The following PCDHGB1 variants were observed in gnomAD, a reference collection of about 807,000 sequenced individuals.
The protein encoded by PCDHGB1 is protocadherin gamma-B1.
PCDHGB1 carries 34 observed loss-of-function variants against 56.6 expected under a neutral mutation model. The observed-to-expected ratio is 0.60, with a 90% CI of 0.46 to 0.80. PCDHGB1 has a LOEUF of 0.80. PCDHGB1 is among the 30% of genes least tolerant of loss of function. The pLI, the probability that PCDHGB1 is intolerant of heterozygous loss-of-function variation, is 0.00. For missense variants in PCDHGB1, 1,278 were observed against 1,204.6 expected (o/e 1.06, Z -0.90); for synonymous variants, 561 against 505.9 (o/e 1.11, Z -1.46).
At chr5:141,448,926 C>T (rs528128105) in intron 1 of PCDHGB1, among the ~76,000 whole-genome samples, 5 of 152,256 alleles carry the variant, frequency 3.3e-5, no homozygotes, top group African/African-American at 9.6e-5. Context: ...GCCTGGGCGA[C>T]AGAGCAAGAC....
chr5:141,451,326 G>T (rs189445228), intron 1 of PCDHGB1, among the ~76,000 whole-genome samples: 3 of 152,278 alleles, frequency 2.0e-5, no homozygotes, highest in Admixed American at 2.0e-4. Context: ...GTCACCTAAG[G>T]CTATTGTCTT....
chr5:141,511,129 G>A lies in PCDHGB1; in HGVS notation c.2740G>A (p.Gly914Ser). ...GCGGGATGGCAAGGCCCCAGCAGGT[G>A]GCAATGGCAACAAGAAGAAGTCGGG... ...GKRDGKAPAGGNGNKKKSGKK... is the reference protein window; with the variant it reads ...GKRDGKAPAGSNGNKKKSGKK... Residue 914 changes from glycine to serine, a missense_variant, in exon 4 of 4, where the codon GGC becomes AGC. By Grantham distance (56) the Gly-to-Ser change is moderately conservative. Coordinates refer to ENST00000523390, the MANE Select transcript of PCDHGB1 (RefSeq NM_018922.3). 1 of 1,614,204 alleles carries A rather than the reference G, an allele frequency of 6.2e-7. No individual in the cohort carries two copies. Among genetic ancestry groups the A allele is most frequent in the Non-Finnish European group, 8.5e-7 (1 of 1,180,014 alleles).
chr5:141,415,136 G>C (rs763832284), intron 1 of PCDHGB1: 1 of 1,613,548 alleles, frequency 6.2e-7, no homozygotes, highest in Admixed American at 1.7e-5. Flanking sequence ...CAGGACCACG[G>C]CCAGCCCCCT....
intron 1 of PCDHGB1, among the ~76,000 whole-genome samples, chr5:141,482,488 G>C (rs1401943298): frequency 7.7e-6 from 1 of 130,410 alleles, no homozygotes; most frequent in African/African-American, 3.1e-5. Context: ...ACAATTAAAA[G>C]TTATCATTCT....
intron 1 of PCDHGB1, chr5:141,442,490 T>C (rs2098328971): frequency 6.6e-6 from 1 of 152,222 alleles, no homozygotes; most frequent in South Asian, 2.1e-4. Flanking sequence ...AAGGGGATGA[T>C]TGTGATTATT....
chr5:141,487,380 G>A lies in PCDHGB1; in HGVS notation c.2410-7427G>A. On this transcript the variant is annotated intron_variant, in intron 1 of 3. Transcript: ENST00000523390. This position sits in a 1 kb window ranked among gnomAD's most constrained non-coding sequence, Gnocchi z 5.0. ...GCTGGCACCTGTGCCTGTCTCACCA[G>A]ATCTCGAAGGAGGGAGGGGCTTCCC... is the stretch of plus-strand genomic sequence containing the variant. The A allele has an allele frequency of 1.2e-6, 2 of 1,614,202 alleles. No individual in the cohort carries two copies. The highest frequency in any genetic ancestry group is 2.2e-5 in the South Asian group (2 of 91,078).
rs200877911 is a variant in PCDHGB1 at position 141,477,977 on chromosome 5, A to G, written c.2410-16830A>G. ...ATCCCCTAACCAGAGCCTTTTTGCC[A>G]TAGGGCTGCACACTGGTCAAATCAG... On this transcript the variant is annotated intron_variant, in intron 1 of 3. Coordinates refer to ENST00000523390, the MANE Select transcript of PCDHGB1 (RefSeq NM_018922.3). The surrounding 1 kb of genome is among the most constrained non-coding windows in gnomAD (Gnocchi z 4.9). 5 of 1,614,092 alleles carry G rather than the reference A, an allele frequency of 3.1e-6. No individual in the cohort carries two copies. The East Asian group carries it at 6.7e-5, about 22-fold the overall frequency.
chr5:141,428,148 G>A (rs774961575), intron 1 of PCDHGB1: 6 of 1,588,024 alleles, frequency 3.8e-6, no homozygotes, highest in East Asian at 4.5e-5. Flanking sequence ...GCTGCACACG[G>A]GAACCTGCTG....
At chr5:141,371,720 C>G in intron 1 of PCDHGB1, 1 of 1,614,070 alleles carries the variant, frequency 6.2e-7, no homozygotes. Flanking sequence ...CTCTGCACAT[C>G]CTTGATGTCA....
At chr5:141,469,362 G>C (rs915161729) in intron 1 of PCDHGB1, among the ~76,000 whole-genome samples, 14 of 152,084 alleles carry the variant, frequency 9.2e-5, no homozygotes, top group Non-Finnish European at 7.4e-5. Flanking sequence ...GGATCATGAG[G>C]TAAAGAGATC....
intron 1 of PCDHGB1, among the ~76,000 whole-genome samples, chr5:141,438,339 AGGATC>A (rs1013025873): frequency 1.6e-4 from 25 of 151,944 alleles, no homozygotes; most frequent in Non-Finnish European, 1.9e-4. Flanking sequence ...ATGTCATATA[AGGATC>A]TACTCTGTGT....
chr5:141,350,919 G>C lies in PCDHGB1; in HGVS notation c.659G>C (p.Ser220Thr), dbSNP rs764794387. Residue 220 changes from serine to threonine, a missense_variant, in exon 1 of 4, where the codon AGC becomes ACC. Ser to Thr is a moderately conservative substitution (Grantham distance 58). Coordinates refer to ENST00000523390, the MANE Select transcript of PCDHGB1 (RefSeq NM_018922.3). ...ATGGATGGCGGGGACCCGCCTCTAA[G>C]CGGCACCACCCATATCTGGATCCGA... The part of the protein sequence containing the change: ...TAMDGGDPPL[S>T]GTTHIWIRVT... The C allele has an allele frequency of 6.2e-7, 1 of 1,614,098 alleles. No homozygotes were observed. The highest frequency in any genetic ancestry group is 2.2e-5 in the East Asian group (1 of 44,888).
chr5:141,398,383 G>C, intron 1 of PCDHGB1: 4 of 1,451,918 alleles, frequency 2.8e-6, no homozygotes, highest in Non-Finnish European at 2.9e-6. Context: ...GGAGTTGCTT[G>C]TGAGCAGCAG....
chr5:141,422,874 G>C (rs763219526), intron 1 of PCDHGB1: 56 of 1,614,134 alleles, frequency 3.5e-5, no homozygotes, highest in Non-Finnish European at 1.0e-5. Flanking sequence ...ACGTGTCGCT[G>C]AGCCTGTTCG....
rs559975786 is a variant in PCDHGB1, at chr5:141,406,591, A to G, written c.2409+53922A>G. Among the ~76,000 whole-genome samples, 5 of 152,282 alleles carry G rather than the reference A, an allele frequency of 3.3e-5. No homozygotes were observed. The East Asian group carries it at 9.6e-4, about 29-fold the overall frequency. On this transcript the variant is annotated intron_variant, in intron 1 of 3. Transcript: ENST00000523390. ...CTAGTAAACCAATTTTTTCCCTTTAATGGTGAAAGTTGTCACATCTTTTAT... is the reference window on the plus strand; with the variant it reads ...CTAGTAAACCAATTTTTTCCCTTTAGTGGTGAAAGTTGTCACATCTTTTAT...
In PCDHGB1 at chr5:141,433,172, G is replaced by C. The variant is rs147848043; in HGVS notation, c.2410-61635G>C. 533 of 1,610,720 alleles carry C rather than the reference G, an allele frequency of 3.3e-4. 5 individuals carry two copies. In the South Asian group the frequency reaches 5.0e-3, roughly 15 times the overall value. On this transcript the variant is annotated intron_variant, in intron 1 of 3. Transcript: ENST00000523390. ...TTCGGTATTTTCTAAAGACAGTCAT[G>C]GGTTAATTGAGGTGAGTTTATATCA...
intron 1 of PCDHGB1, chr5:141,372,959 A>T: frequency 1.4e-6 from 1 of 715,196 alleles, no homozygotes; most frequent in Non-Finnish European, 2.2e-6. Context: ...AATTCTTTGT[A>T]GAATTTCCTG....
intron 2 of PCDHGB1, among the ~76,000 whole-genome samples, chr5:141,502,404 C>G (rs1270930372): frequency 6.6e-6 from 1 of 151,880 alleles, no homozygotes; most frequent in African/African-American, 2.4e-5. Context: ...TGTCCCCGAA[C>G]CTGGATTTGC....
At chr5:141,371,350 T>C in intron 1 of PCDHGB1, 1 of 1,613,854 alleles carries the variant, frequency 6.2e-7, no homozygotes, top group Non-Finnish European at 8.5e-7. Context: ...ACAATTGGGG[T>C]GGAAGCAAAG....
Sources: allele counts gnomAD v4.1 joint callset (sites outside exome capture counted in the v4.1 genomes callset), GRCh38; gene constraint gnomAD v4.1.1; non-coding constraint Gnocchi (gnomAD v3.1); transcripts MANE v1.5; gene names NCBI Gene and HGNC (gene_info 2026-07-23, HGNC 2026-07-21).